The following RAP1GDS1 variants were observed in gnomAD, a reference collection of about 807,000 sequenced individuals.
RAP1GDS1 encodes Rap1 GTPase-GDP dissociation stimulator 1, also known as RAP1, GTP-GDP dissociation stimulator 1.
In RAP1GDS1, 35 loss-of-function variants were observed where a neutral mutation model predicts 71.1. The ratio of observed to expected loss-of-function variants is 0.49; its 90% CI spans 0.38 to 0.65. RAP1GDS1 has a LOEUF of 0.65. Among genes scored for constraint, RAP1GDS1 ranks in the 30% least tolerant of loss-of-function variants. The probability of loss-of-function intolerance (pLI) is 0.00; values close to 1 mark genes in which losing one functional copy is unlikely to be tolerated. For synonymous variants in RAP1GDS1, 229 were observed against 243.1 expected, an observed-to-expected ratio of 0.94 and a Z score of 0.54; for missense variants, 663 against 706.1, an observed-to-expected ratio of 0.94 and a Z score of 0.69.
intron 3 of RAP1GDS1, among the ~76,000 whole-genome samples, chr4:98,343,701 C>T (rs985377966): frequency 1.2e-4 from 19 of 152,202 alleles, no homozygotes; most frequent in East Asian, 3.9e-4. Flanking sequence ...TTGGAATATA[C>T]GTTCTATTTT....
At chr4:98,317,994 C>T (rs1731203681) in intron 2 of RAP1GDS1, among the ~76,000 whole-genome samples, 3 of 151,858 alleles carry the variant, frequency 2.0e-5, no homozygotes, top group Non-Finnish European at 4.4e-5. Context: ...AAGTGCACAC[C>T]ACCACGCCCG....
intron 7 of RAP1GDS1, among the ~76,000 whole-genome samples, chr4:98,414,890 C>G (rs201166314): frequency 9.5e-4 from 144 of 151,020 alleles, no homozygotes; most frequent in African/African-American, 2.9e-3. Context: ...CTTTTATTTC[C>G]TTGAGCAGTG....
At chr4:98,368,345 G>A (rs143411433) in intron 4 of RAP1GDS1, among the ~76,000 whole-genome samples, 52 of 152,206 alleles carry the variant, frequency 3.4e-4, no homozygotes, top group African/African-American at 7.5e-4. Context: ...TATCAGCAGC[G>A]TGAAAACAAA....
At chr4:98,361,961 G>C (rs1218907941) in intron 4 of RAP1GDS1, among the ~76,000 whole-genome samples, 1 of 152,048 alleles carries the variant, frequency 6.6e-6, no homozygotes, top group African/African-American at 2.4e-5. Context: ...TTTATATCTA[G>C]TCTTTCAGGG....
At chr4:98,349,085 G>T (rs1688425676) in intron 3 of RAP1GDS1, among the ~76,000 whole-genome samples, 2 of 152,112 alleles carry the variant, frequency 1.3e-5, no homozygotes, top group Non-Finnish European at 2.9e-5. Context: ...TTCTTCTAGG[G>T]TTTTTATGGT....
At chr4:98,385,077 CATT>C (rs1232661061) in intron 5 of RAP1GDS1, among the ~76,000 whole-genome samples, 3 of 151,700 alleles carry the variant, frequency 2.0e-5, no homozygotes, top group South Asian at 4.2e-4. Context: ...AGATTTTTCT[CATT>C]GTGAAAATTT....
At chr4:98,300,699 C>G (rs1201238173) in intron 2 of RAP1GDS1, among the ~76,000 whole-genome samples, 2 of 152,046 alleles carry the variant, frequency 1.3e-5, no homozygotes. Flanking sequence ...CCGTGCCCAG[C>G]CTGTAGACAT....
At chr4:98,406,371 C>T (rs1482646446) in intron 7 of RAP1GDS1, among the ~76,000 whole-genome samples, 2 of 151,504 alleles carry the variant, frequency 1.3e-5, no homozygotes, top group Non-Finnish European at 3.0e-5. Context: ...CCAGTGAAAC[C>T]TAAGGAAGGC....
chr4:98,433,464 T>G (rs1446430359), intron 12 of RAP1GDS1, among the ~76,000 whole-genome samples: 1 of 152,058 alleles, frequency 6.6e-6, no homozygotes, highest in African/African-American at 2.4e-5. Flanking sequence ...CTGGCTAATT[T>G]TTTTATTTTT....
rs1471093075 is a variant in RAP1GDS1, at chr4:98,350,205, G to A, written c.236-2271G>A. On this transcript the variant is annotated intron_variant, in intron 3 of 14. Transcript: ENST00000408927. ...AAAAGAAACACAGTAATTCTTCAAT[G>A]TTGCCATTGCCTGAATAGCAATAAC... Among the ~76,000 whole-genome samples, 7 of 152,300 alleles carry A rather than the reference G, an allele frequency of 4.6e-5. No individual in the cohort carries two copies. In the East Asian group the frequency reaches 1.4e-3, roughly 29 times the overall value.
intron 1 of RAP1GDS1, among the ~76,000 whole-genome samples, chr4:98,290,893 A>C (rs1160607303): frequency 6.6e-6 from 1 of 152,110 alleles, no homozygotes; most frequent in Non-Finnish European, 1.5e-5. Context: ...GGGCATGCAT[A>C]TATTATTCAG....
At chr4:98,319,885 C>T (rs1043377690) in intron 2 of RAP1GDS1, among the ~76,000 whole-genome samples, 1 of 151,996 alleles carries the variant, frequency 6.6e-6, no homozygotes, top group African/African-American at 2.4e-5. Flanking sequence ...CCTGCCTCTC[C>T]TTCCGTCTTC....
At chr4:98,279,881 A>C (rs1301147553) in intron 1 of RAP1GDS1, among the ~76,000 whole-genome samples, 2 of 152,146 alleles carry the variant, frequency 1.3e-5, no homozygotes, top group African/African-American at 2.4e-5. Flanking sequence ...TCCTTGTGAT[A>C]GTTTGCTCAG....
chr4:98,315,490 C>T (rs570298427), intron 2 of RAP1GDS1, among the ~76,000 whole-genome samples: 1 of 151,802 alleles, frequency 6.6e-6, no homozygotes, highest in East Asian at 1.9e-4. Context: ...ATTTTGAAAA[C>T]AAAATGTATT....
chr4:98,307,818 C>A (rs1377593899), intron 2 of RAP1GDS1, among the ~76,000 whole-genome samples: 1 of 152,102 alleles, frequency 6.6e-6, no homozygotes, highest in Non-Finnish European at 1.5e-5. Flanking sequence ...TTTGTTTCCT[C>A]TTGCCCTTAT....
chr4:98,434,433 A>G (rs113371252), intron 13 of RAP1GDS1, among the ~76,000 whole-genome samples: 3 of 151,916 alleles, frequency 2.0e-5, no homozygotes, highest in Admixed American at 6.6e-5. Context: ...TTTCTCTTCC[A>G]TCTCTGCTGG....
chr4:98,346,989 C>G (rs577818339), intron 3 of RAP1GDS1, among the ~76,000 whole-genome samples: 1 of 152,162 alleles, frequency 6.6e-6, no homozygotes, highest in Non-Finnish European at 1.5e-5. Flanking sequence ...ATATAAAAAG[C>G]TAAGAGTTAA....
rs375850540 is a variant in RAP1GDS1, at chr4:98,343,277, A to G, written c.235+16A>G. 6.3e-7 allele frequency: 1 copy of G among 1,584,360 alleles called. No homozygotes were observed. The highest frequency in any genetic ancestry group is 1.3e-5 in the African/African-American group (1 of 74,204). The stretch of plus-strand genomic sequence containing the variant: ...GCCAAAAATGGTGAGGTTTACCTCA[A>G]GAACTTTTCTGCTGGGAACGTCTTC... On this transcript the variant is annotated intron_variant, in intron 3 of 14. Transcript: ENST00000408927.
chr4:98,304,766 C>T (rs1351862918), intron 2 of RAP1GDS1, among the ~76,000 whole-genome samples: 4 of 151,888 alleles, frequency 2.6e-5, no homozygotes, highest in African/African-American at 4.8e-5. Flanking sequence ...GAAATCTTTC[C>T]CCTTGTCTAT....
Sources: gnomAD v4.1 joint callset for allele counts (sites outside exome capture counted in the v4.1 genomes callset) on GRCh38, gnomAD v4.1.1 for gene constraint, MANE v1.5 for transcripts, NCBI Gene and HGNC (gene_info 2026-07-23, HGNC 2026-07-21) for gene names.